The following ASTN2 variants were observed in gnomAD, a reference collection of about 807,000 sequenced individuals.
ASTN2 encodes the protein astrotactin 2.
In ASTN2, 54 loss-of-function variants were observed where a neutral mutation model predicts 139.8. The observed-to-expected ratio is 0.39, with a 90% CI of 0.31 to 0.48. ASTN2 has a LOEUF of 0.48. ASTN2 is among the 20% of genes least tolerant of loss of function. The probability of loss-of-function intolerance (pLI) is 0.95; values close to 1 mark genes in which losing one functional copy is unlikely to be tolerated. For missense variants in ASTN2, 1,565 were observed against 1,725.1 expected, an observed-to-expected ratio of 0.91 and a Z score of 1.64; for synonymous variants, 756 against 719.5, an observed-to-expected ratio of 1.05 and a Z score of -0.81.
chr9:116,665,034 C>T (rs1209543382), intron 16 of ASTN2, among the ~76,000 whole-genome samples: 1 of 152,052 alleles, frequency 6.6e-6, no homozygotes, highest in Non-Finnish European at 1.5e-5. Context: ...CTGGGACCTC[C>T]CTCCCTCTCT....
intron 13 of ASTN2, among the ~76,000 whole-genome samples, chr9:116,751,324 GTTAT>G (rs1829396911): frequency 6.6e-6 from 1 of 152,148 alleles, no homozygotes; most frequent in African/African-American, 2.4e-5. Flanking sequence ...TGTTACTGTG[GTTAT>G]TTATTTCCTA....
chr9:116,797,757 C>T (rs1830739515), intron 13 of ASTN2, among the ~76,000 whole-genome samples: 1 of 152,160 alleles, frequency 6.6e-6, no homozygotes. Flanking sequence ...TGCACAAACA[C>T]AACTTTCCAG....
intron 19 of ASTN2, among the ~76,000 whole-genome samples, chr9:116,577,304 G>T (rs1442670598): frequency 6.6e-6 from 1 of 152,166 alleles, no homozygotes; most frequent in Non-Finnish European, 1.5e-5. Flanking sequence ...CAAGGTGACT[G>T]AATTGCTTGA....
intron 19 of ASTN2, among the ~76,000 whole-genome samples, chr9:116,493,713 A>C (rs1274700876): frequency 6.6e-6 from 1 of 152,046 alleles, no homozygotes; most frequent in Non-Finnish European, 1.5e-5. Flanking sequence ...GTCACCGTCA[A>C]AGCCGGCCAC....
intron 7 of ASTN2, among the ~76,000 whole-genome samples, chr9:116,999,865 T>A (rs1837145609): frequency 6.6e-6 from 1 of 152,046 alleles, no homozygotes; most frequent in Non-Finnish European, 1.5e-5. Flanking sequence ...TGGCCAGTAA[T>A]TTTTTTCATT....
intron 10 of ASTN2, among the ~76,000 whole-genome samples, chr9:116,916,053 A>C (rs764279387): frequency 6.6e-6 from 1 of 152,230 alleles, no homozygotes; most frequent in Non-Finnish European, 1.5e-5. Flanking sequence ...ATTGCAGGAC[A>C]CTTAGCTGGT....
At chr9:117,231,511 GT>G (rs1186269706) in intron 2 of ASTN2, among the ~76,000 whole-genome samples, 7 of 152,226 alleles carry the variant, frequency 4.6e-5, no homozygotes, top group African/African-American at 1.7e-4. Context: ...TGATATAATT[GT>G]AAAAATAAAA....
chr9:116,439,627 T>C (rs1847781889), intron 22 of ASTN2, among the ~76,000 whole-genome samples: 1 of 152,214 alleles, frequency 6.6e-6, no homozygotes, highest in South Asian at 2.1e-4. Context: ...AAACTTCCAC[T>C]GTCATGTAAC....
intron 3 of ASTN2, among the ~76,000 whole-genome samples, chr9:117,205,051 G>A (rs550477679): frequency 1.4e-4 from 22 of 152,300 alleles, no homozygotes; most frequent in African/African-American, 5.3e-4. Context: ...TAAAATAAAT[G>A]CAGACTGTCC....
intron 2 of ASTN2, among the ~76,000 whole-genome samples, chr9:117,223,686 A>T (rs1027022546): frequency 3.3e-4 from 51 of 152,316 alleles, no homozygotes; most frequent in African/African-American, 1.2e-3. Flanking sequence ...GGGAAGAAAA[A>T]GGCACAACAA....
At chr9:116,637,526 G>A (rs10114672) in intron 17 of ASTN2, among the ~76,000 whole-genome samples, 3,627 of 152,194 alleles carry the variant, frequency 0.024, 141 homozygotes, top group African/African-American at 0.082. Context: ...CTCATCTCTC[G>A]CTTTCAAAAC....
chr9:117,325,324 T>A (rs1486722160), intron 1 of ASTN2, among the ~76,000 whole-genome samples: 3 of 152,190 alleles, frequency 2.0e-5, no homozygotes, highest in Non-Finnish European at 4.4e-5. Context: ...TCTCAGTTTC[T>A]GACCCTATAG....
chr9:116,999,528 CTTTCTTTCTTT>C lies in ASTN2; in HGVS notation c.1591+8553_1591+8563del, dbSNP rs1259211488. 5.4e-5 allele frequency among the ~76,000 whole-genome samples: 7 copies of C among 130,782 alleles called. No homozygotes were observed. The East Asian group carries it at 1.6e-3, about 29-fold the overall frequency. The allele number at this position is 130,782 out of a possible 152,430, so 85.8% of individuals were successfully genotyped here. A position where few individuals can be genotyped will look rare whatever the true frequency, so the allele number is the denominator to read the frequency against. ...TTAGTAATTATTTTCTTTCTTTCCT[CTTTCTTTCTTT>C]CTCTCTTTCTTTTTTTTTTTTTTTT... is the stretch of plus-strand genomic sequence containing the variant. On this transcript the variant is annotated intron_variant, in intron 7 of 22. Coordinates refer to ENST00000313400, the MANE Select transcript of ASTN2 (RefSeq NM_001365068.1).
intron 10 of ASTN2, among the ~76,000 whole-genome samples, chr9:116,958,959 G>A (rs1471858478): frequency 6.6e-6 from 1 of 152,178 alleles, no homozygotes; most frequent in Non-Finnish European, 1.5e-5. Context: ...GCCATGTGGG[G>A]CCTCAATTTG....
chr9:116,916,833 AAAAAACAAAAAC>A (rs147517095), intron 10 of ASTN2, among the ~76,000 whole-genome samples: 8,716 of 152,072 alleles, frequency 0.057, 386 homozygotes, highest in African/African-American at 0.12. Flanking sequence ...CCCAGTCTCA[AAAAAACAAAAAC>A]AAAAACAAAA....
At chr9:117,370,529 C>A (rs1047977257) in intron 1 of ASTN2, among the ~76,000 whole-genome samples, 2 of 152,102 alleles carry the variant, frequency 1.3e-5, no homozygotes, top group African/African-American at 2.4e-5. Flanking sequence ...AAGCACTTTA[C>A]CTAATTCAGT....
chr9:117,104,106 G>T (rs1223393434), intron 4 of ASTN2, among the ~76,000 whole-genome samples: 2 of 152,182 alleles, frequency 1.3e-5, no homozygotes, highest in Non-Finnish European at 2.9e-5. Context: ...ACCCTGGTTT[G>T]TCTGATCCCC....
At chr9:116,979,499 A>C (rs566645206) in intron 7 of ASTN2, among the ~76,000 whole-genome samples, 1 of 152,320 alleles carries the variant, frequency 6.6e-6, no homozygotes, top group South Asian at 2.1e-4. Context: ...ATGTGGATGT[A>C]AATAATTTAC....
At chr9:116,821,884 C>T (rs1236475552) in intron 11 of ASTN2, among the ~76,000 whole-genome samples, 1 of 152,050 alleles carries the variant, frequency 6.6e-6, no homozygotes. Flanking sequence ...AGTTTTCCAT[C>T]ATTTGATGAG....
Sources: allele counts gnomAD v4.1 joint callset (sites outside exome capture counted in the v4.1 genomes callset), GRCh38; gene constraint gnomAD v4.1.1; transcripts MANE v1.5; gene names NCBI Gene and HGNC (gene_info 2026-07-23, HGNC 2026-07-21).